Variants in CCDC171 observed in about 807,000 individuals in gnomAD.
CCDC171 encodes coiled-coil domain-containing protein 171.
In CCDC171, 177 loss-of-function variants were observed where a neutral mutation model predicts 168.2. That is an observed-to-expected ratio of 1.05 (90% CI 0.93 to 1.19). The LOEUF is 1.19. Among genes scored for constraint, CCDC171 ranks in the 50% most tolerant of loss-of-function variants. CCDC171 has a pLI of 0.00. For synonymous variants in CCDC171, 687 were observed against 540.8 expected (o/e 1.27, Z -3.75); for missense variants, 1,991 against 1,539.0 (o/e 1.29, Z -4.91).
At chr9:15,634,488 A>G (rs1008450139) in intron 7 of CCDC171, among the ~76,000 whole-genome samples, 5 of 152,070 alleles carry the variant, frequency 3.3e-5, no homozygotes, top group African/African-American at 1.2e-4. Context: ...CTCTCTCTCC[A>G]TGTGTATTTC....
chr9:15,953,863 T>A (rs1451031124), intron 25 of CCDC171, among the ~76,000 whole-genome samples: 1 of 152,064 alleles, frequency 6.6e-6, no homozygotes, highest in Non-Finnish European at 1.5e-5. Context: ...TAGTTATAGA[T>A]CTTTTCCTTT....
intron 12 of CCDC171, among the ~76,000 whole-genome samples, chr9:15,722,185 T>G (rs1026849595): frequency 1.3e-5 from 2 of 152,216 alleles, no homozygotes; most frequent in African/African-American, 4.8e-5. Flanking sequence ...TAAGTTAATA[T>G]GTACTGTATT....
chr9:15,825,051 T>A (rs2059955355), intron 21 of CCDC171, among the ~76,000 whole-genome samples: 1 of 152,160 alleles, frequency 6.6e-6, no homozygotes, highest in Non-Finnish European at 1.5e-5. Flanking sequence ...AAAGTTCCTC[T>A]TGTGGTATGG....
intron 4 of CCDC171, among the ~76,000 whole-genome samples, chr9:15,580,488 A>T (rs1361253411): frequency 6.6e-6 from 1 of 152,232 alleles, no homozygotes; most frequent in African/African-American, 2.4e-5. Context: ...TATGCATCTG[A>T]CAAAGGAGTA....
Position 15,779,100 on chromosome 9 carries a change from C to T in CCDC171, c.3031C>T (p.Leu1011Phe), listed in dbSNP as rs1588447713. 2 of 1,601,148 alleles carry T rather than the reference C, an allele frequency of 1.2e-6. No homozygotes were observed. The highest frequency in any genetic ancestry group is 2.2e-5 in the East Asian group (1 of 44,460). The change falls in exon 20 of 26, where the codon CTT becomes TTT. Residue 1011 changes from leucine (L) to phenylalanine (F), a missense_variant. Coordinates refer to ENST00000380701, the MANE Select transcript of CCDC171 (RefSeq NM_173550.4). ...AAGTGTGAATGAAATGAAAAAGGAG[C>T]TTGACAAAGCCCAGGGTCTGCAAAT... is the stretch of plus-strand genomic sequence containing the variant. ...KRSVNEMKKE[L>F]DKAQGLQMQL...
chr9:16,069,378 A>G, the CCDC171 span, among the ~76,000 whole-genome samples: 2 of 152,222 alleles, frequency 1.3e-5, no homozygotes, highest in Admixed American at 6.5e-5. Context: ...AGTATCATCA[A>G]TCAGGAAGGA....
intron 3 of CCDC171, among the ~76,000 whole-genome samples, chr9:16,006,979 T>C (rs1832718121): frequency 6.6e-6 from 1 of 152,200 alleles, no homozygotes; most frequent in South Asian, 2.1e-4. Context: ...TTGGTATTTC[T>C]AGTTCTAGAT....
chr9:16,075,727 T>C, the CCDC171 span, among the ~76,000 whole-genome samples: 1 of 152,176 alleles, frequency 6.6e-6, no homozygotes, highest in Non-Finnish European at 1.5e-5. Context: ...TTAAATGCTC[T>C]GAAAAAAACA....
At chr9:15,737,942 T>C (rs1348267788) in intron 16 of CCDC171, among the ~76,000 whole-genome samples, 1 of 152,182 alleles carries the variant, frequency 6.6e-6, no homozygotes, top group East Asian at 1.9e-4. Flanking sequence ...CTACAAAGTG[T>C]CCTTATTTTT....
intron 18 of CCDC171, among the ~76,000 whole-genome samples, chr9:15,749,002 G>A (rs779207862): frequency 6.6e-5 from 10 of 152,166 alleles, no homozygotes; most frequent in Non-Finnish European, 1.3e-4. Context: ...AAAGGCTCCA[G>A]TTGAAAGATT....
At chr9:15,602,165 A>G (rs963707599) in intron 6 of CCDC171, among the ~76,000 whole-genome samples, 2 of 152,194 alleles carry the variant, frequency 1.3e-5, no homozygotes, top group Non-Finnish European at 2.9e-5. Flanking sequence ...TTTTTTAATT[A>G]ACAAAAGAAA....
At chr9:15,616,199 C>T (rs976313194) in intron 6 of CCDC171, among the ~76,000 whole-genome samples, 3 of 151,972 alleles carry the variant, frequency 2.0e-5, no homozygotes, top group African/African-American at 7.2e-5. Flanking sequence ...TGATCTGCCC[C>T]CTTTGGCCTC....
intron 10 of CCDC171, among the ~76,000 whole-genome samples, chr9:15,683,218 A>G (rs2050155719): frequency 6.6e-6 from 1 of 152,008 alleles, no homozygotes; most frequent in African/African-American, 2.4e-5. Context: ...GTGATTGAAA[A>G]TGGTCAAGTG....
chr9:15,729,967 G>A (rs1425292929), intron 16 of CCDC171, among the ~76,000 whole-genome samples, 169 bp downstream of exon 16: 1 of 151,936 alleles, frequency 6.6e-6, no homozygotes, highest in Non-Finnish European at 1.5e-5. Context: ...ACGTGTGTGT[G>A]TATGGGTGTG....
chr9:15,701,952 G>A (rs2051783828), intron 11 of CCDC171, among the ~76,000 whole-genome samples: 1 of 152,106 alleles, frequency 6.6e-6, no homozygotes, highest in Non-Finnish European at 1.5e-5. Context: ...CACCATCTAT[G>A]GCAGCTATAG....
intron 11 of CCDC171, among the ~76,000 whole-genome samples, chr9:15,713,679 T>C (rs1260518614): frequency 6.6e-6 from 1 of 152,158 alleles, no homozygotes; most frequent in African/African-American, 2.4e-5. Flanking sequence ...ACTTTGCTTC[T>C]AACTCCTAAA....
chr9:15,945,895 T>G (rs1371403201), intron 25 of CCDC171, among the ~76,000 whole-genome samples: 1 of 150,364 alleles, frequency 6.7e-6, no homozygotes, highest in African/African-American at 2.4e-5. Context: ...TTAGATCCCA[T>G]TTGTCAATTT....
intron 11 of CCDC171, among the ~76,000 whole-genome samples, chr9:15,720,943 G>T (rs1045273773): frequency 5.9e-5 from 9 of 152,076 alleles, no homozygotes; most frequent in South Asian, 2.1e-4. Context: ...GCAGTGTTTG[G>T]TTTTTTGTCC....
chr9:15,614,496 G>T (rs1489210915), intron 6 of CCDC171, among the ~76,000 whole-genome samples: 2 of 152,116 alleles, frequency 1.3e-5, no homozygotes, highest in Admixed American at 1.3e-4. Context: ...CAAGTTTTTG[G>T]TTAATTTAAA....
Sources: allele counts gnomAD v4.1 joint callset (sites outside exome capture counted in the v4.1 genomes callset), GRCh38; gene constraint gnomAD v4.1.1; transcripts MANE v1.5; gene names NCBI Gene and HGNC (gene_info 2026-07-23, HGNC 2026-07-21).